TTC29: variants seen among roughly 807,000 people sequenced by gnomAD.
The protein encoded by TTC29 is tetratricopeptide repeat protein 29.
In TTC29, 49 loss-of-function variants were observed where a neutral mutation model predicts 58.1. The ratio of observed to expected loss-of-function variants is 0.84; its 90% CI spans 0.67 to 1.07. TTC29 has a LOEUF of 1.07. Ranked by LOEUF, TTC29 falls within the 50% of genes least tolerant of loss-of-function variation. TTC29 has a pLI of 0.00. For synonymous variants in TTC29, 209 were observed against 196.8 expected, an observed-to-expected ratio of 1.06 and a Z score of -0.52; for missense variants, 582 against 555.6, an observed-to-expected ratio of 1.05 and a Z score of -0.48.
chr4:146,825,943 A>T (rs371324516), intron 9 of TTC29, among the ~76,000 whole-genome samples: 7,381 of 130,054 alleles, frequency 0.057, 625 homozygotes, highest in African/African-American at 0.19. Flanking sequence ...TTTTTTTTAA[A>T]AAAATTTCCA....
At chr4:146,755,022 C>T (rs1746333715) in intron 11 of TTC29, among the ~76,000 whole-genome samples, 1 of 151,664 alleles carries the variant, frequency 6.6e-6, no homozygotes, top group African/African-American at 2.4e-5. Context: ...TGGTTTGAAC[C>T]AATAAATAGA....
rs924493140 is a variant in TTC29 at position 146,739,334 on chromosome 4, C to G, written c.1331-31783G>C. 1.4e-4 allele frequency among the ~76,000 whole-genome samples: 22 copies of G among 152,144 alleles called. 1 individual carries two copies. The highest frequency in any genetic ancestry group is 1.2e-3 in the South Asian group (6 of 4,830). On this transcript the variant is annotated intron_variant, in intron 11 of 12. Transcript: ENST00000325106. ...TCTTTAAGGCCTTGTTCAAATACCC[C>G]CTTCACCCTGACGTCATTCCTTATG...
chr4:146,720,979 A>G (rs1329311384), intron 11 of TTC29, among the ~76,000 whole-genome samples: 2 of 152,094 alleles, frequency 1.3e-5, no homozygotes, highest in Non-Finnish European at 2.9e-5. Flanking sequence ...TTGATTTCAA[A>G]TTAGATAGAT....
At chr4:146,831,519 G>C (rs566863067) in intron 9 of TTC29, 1 of 202,912 alleles carries the variant, frequency 4.9e-6, no homozygotes, top group South Asian at 7.7e-5. Context: ...TGTTGGAACA[G>C]AATGGTCCCC....
intron 6 of TTC29, among the ~76,000 whole-genome samples, chr4:146,896,607 T>C (rs1469500067): frequency 6.6e-6 from 1 of 152,208 alleles, no homozygotes; most frequent in African/African-American, 2.4e-5. Flanking sequence ...CAAGAAAGCA[T>C]TCTTAAAATA....
chr4:146,927,983 C>T (rs531155966), intron 4 of TTC29, among the ~76,000 whole-genome samples: 18 of 152,174 alleles, frequency 1.2e-4, no homozygotes, highest in Admixed American at 9.2e-4. Flanking sequence ...GTATAGGAAA[C>T]AATTATACTG....
chr4:146,794,196 T>C (rs1749668455), intron 11 of TTC29, among the ~76,000 whole-genome samples: 1 of 152,146 alleles, frequency 6.6e-6, no homozygotes, highest in South Asian at 2.1e-4. Context: ...ACGAATGAAG[T>C]CATTCACATG....
intron 8 of TTC29, among the ~76,000 whole-genome samples, chr4:146,837,380 A>C (rs917703734): frequency 6.6e-6 from 1 of 152,056 alleles, no homozygotes; most frequent in African/African-American, 2.4e-5. Flanking sequence ...AGACCAGAAA[A>C]GATAACTGTT....
chr4:146,748,955 A>G (rs538013123), intron 11 of TTC29, among the ~76,000 whole-genome samples: 13 of 152,338 alleles, frequency 8.5e-5, no homozygotes, highest in African/African-American at 2.6e-4. Flanking sequence ...AGCAAACAGT[A>G]AGATACAATA....
chr4:146,733,573 C>A (rs1744504023), intron 11 of TTC29, among the ~76,000 whole-genome samples: 1 of 151,986 alleles, frequency 6.6e-6, no homozygotes, highest in Admixed American at 6.6e-5. Flanking sequence ...CATACTTATC[C>A]TACTTTATGT....
chr4:146,785,187 T>G (rs965123364), intron 11 of TTC29, among the ~76,000 whole-genome samples: 1 of 132,196 alleles, frequency 7.6e-6, no homozygotes, highest in African/African-American at 3.1e-5. Context: ...TGTTTATAAC[T>G]TGCTGCCTTT....
intron 6 of TTC29, among the ~76,000 whole-genome samples, chr4:146,898,052 G>A (rs909846900): frequency 6.6e-6 from 1 of 152,170 alleles, no homozygotes; most frequent in Non-Finnish European, 1.5e-5. Context: ...GTACTGAGAA[G>A]AAAGCTGAAC....
intron 6 of TTC29, among the ~76,000 whole-genome samples, chr4:146,882,988 G>A (rs1731736862): frequency 6.6e-6 from 1 of 151,986 alleles, no homozygotes; most frequent in Admixed American, 6.6e-5. Flanking sequence ...GTCTGTCTGT[G>A]TATAACCTTA....
At chr4:146,783,534 T>G (rs1480750842) in intron 11 of TTC29, among the ~76,000 whole-genome samples, 3 of 152,128 alleles carry the variant, frequency 2.0e-5, no homozygotes, top group African/African-American at 7.2e-5. Flanking sequence ...TTATAAAATA[T>G]AAATCTAGAA....
intron 7 of TTC29, among the ~76,000 whole-genome samples, chr4:146,871,721 T>C (rs1730942579): frequency 6.6e-6 from 1 of 151,784 alleles, no homozygotes; most frequent in South Asian, 2.1e-4. Context: ...ACATATACAC[T>C]GACAACTATA....
intron 11 of TTC29, among the ~76,000 whole-genome samples, chr4:146,790,694 T>C (rs529697119): frequency 6.6e-6 from 1 of 152,252 alleles, no homozygotes; most frequent in South Asian, 2.1e-4. Flanking sequence ...CTTCAGGAAG[T>C]GAGTATCCTT....
At chr4:146,725,047 T>C (rs1167011939) in intron 11 of TTC29, among the ~76,000 whole-genome samples, 1 of 152,174 alleles carries the variant, frequency 6.6e-6, no homozygotes, top group African/African-American at 2.4e-5. Context: ...CTTTGGAAGA[T>C]TGTTTATCCT....
chr4:146,876,279 T>C (rs925558270), intron 6 of TTC29, among the ~76,000 whole-genome samples: 2 of 152,192 alleles, frequency 1.3e-5, no homozygotes, highest in African/African-American at 4.8e-5. Flanking sequence ...GGTACAGTAA[T>C]AATATCTTCA....
At chr4:146,879,344 C>T (rs1196361620) in intron 6 of TTC29, among the ~76,000 whole-genome samples, 1 of 152,072 alleles carries the variant, frequency 6.6e-6, no homozygotes, top group Non-Finnish European at 1.5e-5. Context: ...GATTTCCATC[C>T]AATTTCTATT....
Sources: allele counts gnomAD v4.1 joint callset (sites outside exome capture counted in the v4.1 genomes callset), GRCh38; gene constraint gnomAD v4.1.1; transcripts MANE v1.5; gene names NCBI Gene and HGNC (gene_info 2026-07-23, HGNC 2026-07-21).